The following TOX4 variants were observed in gnomAD, a reference collection of about 807,000 sequenced individuals.
The protein encoded by TOX4 is TOX high mobility group box family member 4.
A neutral mutation model predicts 61.0 loss-of-function variants in TOX4; 12 were observed. That is an observed-to-expected ratio of 0.20 (90% CI 0.13 to 0.32). The LOEUF is 0.32. TOX4 is among the 10% of genes least tolerant of loss of function. The pLI is 1.00. For missense variants in TOX4, 499 were observed against 753.3 expected, an observed-to-expected ratio of 0.66 and a Z score of 3.95; for synonymous variants, 268 against 274.8, an observed-to-expected ratio of 0.98 and a Z score of 0.24.
Position 21,484,569 on chromosome 14 carries a change from C to T in TOX4, c.76-2882C>T, listed in dbSNP as rs1393969171. ...TTCGCCATGTTGGCCAGGCTGGTCT[C>T]GAACTCTTGACCTCAGGTGGTCCAC... On this transcript the variant is annotated intron_variant, in intron 2 of 8. Transcript: ENST00000448790. Among the ~76,000 whole-genome samples, 5 of 103,358 alleles carry T rather than the reference C, an allele frequency of 4.8e-5. 1 individual carries two copies. The highest frequency in any genetic ancestry group is 1.1e-4 in the Non-Finnish European group (5 of 47,438). The allele number at this position is 103,358 out of a possible 152,430, so 67.8% of individuals were successfully genotyped here.
chr14:21,498,797 A>G lies in TOX4; in HGVS notation c.*2191A>G. 1.9e-6 allele frequency: 1 copy of G among 525,850 alleles called. No individual in the cohort carries two copies. 32.6% of individuals were successfully genotyped at this position (525,850 alleles called of 1,614,324 possible). On this transcript the variant is annotated 3_prime_UTR_variant, in exon 9 of 9. Coordinates refer to ENST00000448790, the MANE Select transcript of TOX4 (RefSeq NM_014828.4). Reference sequence around the variant, plus strand: ...TGAGGAAGATCCTTGGGTTGTGAAGAGAGTAGAAACCCTAGGGAGCAGTGC... The same window carrying G: ...TGAGGAAGATCCTTGGGTTGTGAAGGGAGTAGAAACCCTAGGGAGCAGTGC...
In TOX4 at chr14:21,497,307, T is replaced by TA. The variant is rs1305539956; in HGVS notation, c.*702dup. 6.6e-6 allele frequency: 1 copy of TA among 152,150 alleles called. No individual in the cohort carries two copies. Among genetic ancestry groups the TA allele is most frequent in the Non-Finnish European group, 1.5e-5 (1 of 68,034 alleles). 9.4% of individuals were successfully genotyped at this position (152,150 alleles called of 1,614,324 possible). On this transcript the variant is annotated 3_prime_UTR_variant, in exon 9 of 9. Transcript: ENST00000448790. Reference sequence around the variant, plus strand: ...AGACCATAGGTCTATCATTATTTCTTAGACATAATCTAAAGAAAAACAGAC... The same window carrying TA: ...AGACCATAGGTCTATCATTATTTCTTAAGACATAATCTAAAGAAAAACAGAC...
At position 21,498,384 on chromosome 14, in the gene TOX4, A is replaced by AAGG. The variant is rs774440054; in HGVS notation, c.*1782_*1784dup. On this transcript the variant is annotated 3_prime_UTR_variant, in exon 9 of 9. Transcript: ENST00000448790. Reference sequence around the variant, plus strand: ...CAAGGGTGATCCTGAAACAGTGTAAAAGGAGGGGCAAACCAGAAATCCTGG... The same window carrying AAGG: ...CAAGGGTGATCCTGAAACAGTGTAAAAGGAGGAGGGGCAAACCAGAAATCCTGG... 30 of 1,612,688 alleles carry AAGG rather than the reference A, an allele frequency of 1.9e-5. No individual in the cohort carries two copies. The highest frequency in any genetic ancestry group is 2.5e-5 in the Non-Finnish European group (30 of 1,179,552).
intron 2 of TOX4, among the ~76,000 whole-genome samples, chr14:21,479,622 T>A (rs536861923): frequency 6.6e-6 from 1 of 152,306 alleles, no homozygotes; most frequent in South Asian, 2.1e-4. Flanking sequence ...TACTCCAGCC[T>A]AGGTGAACGA....
chr14:21,497,066 T>G lies in TOX4; in HGVS notation c.*460T>G, dbSNP rs1891419049. ...CCATTATCACATCAGTACACTGCTTTGAAAACAAAACTTTTCAACATGGGC... is the reference window on the plus strand; with the variant it reads ...CCATTATCACATCAGTACACTGCTTGGAAAACAAAACTTTTCAACATGGGC... On this transcript the variant is annotated 3_prime_UTR_variant, in exon 9 of 9. Coordinates refer to ENST00000448790, the MANE Select transcript of TOX4 (RefSeq NM_014828.4). The G allele has an allele frequency of 6.5e-6, 1 of 155,018 alleles. No individual in the cohort carries two copies. Among genetic ancestry groups the G allele is most frequent in the Non-Finnish European group, 1.4e-5 (1 of 69,664 alleles). The allele number at this position is 155,018 out of a possible 1,614,324, so 9.6% of individuals were successfully genotyped here.
chr14:21,496,697 G>GATGAGGCACTA lies in TOX4; in HGVS notation c.*91_*92insATGAGGCACTA. Reference sequence around the variant, plus strand: ...AAACACAAGCTGGGCTTCTGGTAGTGCCTCATCACAACCCATGATGGCTGT... The same window carrying GATGAGGCACTA: ...AAACACAAGCTGGGCTTCTGGTAGTGATGAGGCACTACCTCATCACAACCCATGATGGCTGT... On this transcript the variant is annotated 3_prime_UTR_variant, in exon 9 of 9. Coordinates refer to ENST00000448790, the MANE Select transcript of TOX4 (RefSeq NM_014828.4). 1.8e-6 allele frequency: 2 copies of GATGAGGCACTA among 1,130,004 alleles called. No individual in the cohort carries two copies. Among genetic ancestry groups the GATGAGGCACTA allele is most frequent in the Non-Finnish European group, 2.7e-6 (2 of 754,450 alleles). The allele number at this position is 1,130,004 out of a possible 1,614,324, so 70.0% of individuals were successfully genotyped here.
intron 2 of TOX4, among the ~76,000 whole-genome samples, chr14:21,482,194 C>G (rs1255600283): frequency 6.6e-6 from 1 of 152,088 alleles, no homozygotes; most frequent in Non-Finnish European, 1.5e-5. Flanking sequence ...TGGTATTATG[C>G]TTAGAGCACA....
chr14:21,481,756 A>G (rs976961602), intron 2 of TOX4, among the ~76,000 whole-genome samples: 7 of 152,244 alleles, frequency 4.6e-5, no homozygotes, highest in Non-Finnish European at 1.0e-4. Context: ...ATAAAAAATT[A>G]AATTATAAAT....
Position 21,498,505 on chromosome 14 carries a change from G to GA in TOX4, c.*1901dup. On this transcript the variant is annotated 3_prime_UTR_variant, in exon 9 of 9. Transcript: ENST00000448790. ...CAATTCTAAAAAGAGCTTAACATTA[G>GA]AATAGTATATGGTAGAATTACTAGT... The GA allele has an allele frequency of 1.0e-5, 8 of 772,766 alleles. No homozygotes were observed. In the South Asian group the frequency reaches 1.4e-4, roughly 14 times the overall value. 47.9% of individuals were successfully genotyped at this position (772,766 alleles called of 1,614,324 possible).
At chr14:21,490,827 T>C (rs1250211827) in intron 5 of TOX4, among the ~76,000 whole-genome samples, 1 of 151,746 alleles carries the variant, frequency 6.6e-6, no homozygotes, top group Non-Finnish European at 1.5e-5. Context: ...TTAGAATTAC[T>C]TGTTTGTTTG....
intron 2 of TOX4, among the ~76,000 whole-genome samples, chr14:21,481,653 A>G (rs1291571045): frequency 1.3e-5 from 2 of 152,360 alleles, no homozygotes; most frequent in East Asian, 3.9e-4. Flanking sequence ...CATGTTCACA[A>G]CAACTTTATT....
rs1891173598 is a variant in TOX4 at position 21,485,127 on chromosome 14, G to A, written c.76-2324G>A. On this transcript the variant is annotated intron_variant, in intron 2 of 8. Transcript: ENST00000448790. ...TACAAAAAATGCAAAAATTAGCCTG[G>A]CGTCATGGCCAGGCGTGGTGGCTCA... Among the ~76,000 whole-genome samples, 2 of 107,192 alleles carry A rather than the reference G, an allele frequency of 1.9e-5. 1 individual carries two copies. Among genetic ancestry groups the A allele is most frequent in the African/African-American group, 7.0e-5 (2 of 28,646 alleles). The allele number at this position is 107,192 out of a possible 152,430, so 70.3% of individuals were successfully genotyped here.
intron 5 of TOX4, among the ~76,000 whole-genome samples, chr14:21,491,858 A>T (rs1004254778): frequency 8.6e-5 from 13 of 151,578 alleles, no homozygotes; most frequent in African/African-American, 2.9e-4. Context: ...AAAAATACAA[A>T]AAATTAGCCG....
At chr14:21,491,953 A>G (rs547161243) in intron 5 of TOX4, 108 of 164,168 alleles carry the variant, frequency 6.6e-4, no homozygotes, top group African/African-American at 2.2e-3. Context: ...AGAGCTTGCA[A>G]TGAGCCAAGA....
chr14:21,479,521 G>A (rs1049211476), intron 2 of TOX4, among the ~76,000 whole-genome samples: 1 of 151,878 alleles, frequency 6.6e-6, no homozygotes, highest in Non-Finnish European at 1.5e-5. Flanking sequence ...GGTGGTGCGC[G>A]CCTGTAATCC....
At position 21,498,430 on chromosome 14, in the gene TOX4, TTA is replaced by T; in HGVS notation, c.*1825_*1826del. 1.3e-6 allele frequency: 2 copies of T among 1,513,608 alleles called. No homozygotes were observed. Among genetic ancestry groups the T allele is most frequent in the Non-Finnish European group, 1.8e-6 (2 of 1,098,544 alleles). 93.8% of individuals were successfully genotyped at this position (1,513,608 alleles called of 1,614,324 possible). The stretch of plus-strand genomic sequence containing the variant: ...CCTGGAATTAGAGGGTTTAATATTG[TTA>T]AAAAATGCATACCAAATGAAGACTG... On this transcript the variant is annotated 3_prime_UTR_variant, in exon 9 of 9. Coordinates refer to ENST00000448790, the MANE Select transcript of TOX4 (RefSeq NM_014828.4).
intron 2 of TOX4, among the ~76,000 whole-genome samples, chr14:21,479,755 C>G (rs931726582): frequency 2.0e-5 from 3 of 152,144 alleles, no homozygotes; most frequent in Non-Finnish European, 2.9e-5. Context: ...TTGAGTGTTG[C>G]AAATCTCACA....
chr14:21,495,178 G>T, intron 7 of TOX4, 51 bp from the exon 8 acceptor site: 1 of 1,589,124 alleles, frequency 6.3e-7, no homozygotes, highest in East Asian at 2.2e-5. Context: ...TAACTAGCTA[G>T]CTAGGCAGGG....
chr14:21,494,924 AAAAC>A (rs1443391276), intron 7 of TOX4, among the ~76,000 whole-genome samples: 2 of 152,042 alleles, frequency 1.3e-5, no homozygotes, highest in Non-Finnish European at 2.9e-5. Context: ...GTCTCAAAAA[AAAAC>A]AAAAAACACT....
Sources: allele counts gnomAD v4.1 joint callset (sites outside exome capture counted in the v4.1 genomes callset), GRCh38; gene constraint gnomAD v4.1.1; transcripts MANE v1.5; gene names NCBI Gene and HGNC (gene_info 2026-07-23, HGNC 2026-07-21).